MYO15A: variants seen among roughly 807,000 people sequenced by gnomAD.
MYO15A encodes the protein unconventional myosin-XV.
MYO15A carries 308 observed loss-of-function variants against 394.6 expected under a neutral mutation model. The ratio of observed to expected loss-of-function variants is 0.78; its 90% CI spans 0.71 to 0.86. The LOEUF is 0.86. MYO15A is among the 40% of genes least tolerant of loss of function. MYO15A has a pLI of 0.00. For synonymous variants in MYO15A, 1,957 were observed against 2,003.8 expected (o/e 0.98, Z 0.62); for missense variants, 4,606 against 4,799.1 (o/e 0.96, Z 1.19).
chr17:18,158,234 T>C, intron 51 of MYO15A: 1 of 587,968 alleles, frequency 1.7e-6, no homozygotes. Context: ...GTGGGCGGCT[T>C]GTGGAGCTAG....
In MYO15A at chr17:18,133,219, A is replaced by AT. The variant is rs1567636394; in HGVS notation, c.4321-5dup. ...TCCCTGACCCTCAGCCTCTGCCCTCATGCAGGGTGGGAACTGTGAGATAGC... is the reference window on the plus strand; with the variant it reads ...TCCCTGACCCTCAGCCTCTGCCCTCATTGCAGGGTGGGAACTGTGAGATAGC... On this transcript the variant is annotated splice_region_variant and splice_polypyrimidine_tract_variant and intron_variant, in intron 11 of 65. Transcript: ENST00000647165. 2 of 1,613,934 alleles carry AT rather than the reference A, an allele frequency of 1.2e-6. No individual in the cohort carries two copies. The highest frequency in any genetic ancestry group is 1.7e-6 in the Non-Finnish European group (2 of 1,179,932).
chr17:18,127,240 G>A (rs902894416), intron 7 of MYO15A, 75 bp downstream of exon 7: 2 of 1,543,044 alleles, frequency 1.3e-6, no homozygotes, highest in South Asian at 1.1e-5. Context: ...TCCCGAAGAG[G>A]CAAGGCTCCT....
Position 18,147,914 on chromosome 17 carries a change from G to A in MYO15A, c.6510-115G>A, listed in dbSNP as rs2142360013. On this transcript the variant is annotated intron_variant, in intron 30 of 65. Coordinates refer to ENST00000647165, the MANE Select transcript of MYO15A (RefSeq NM_016239.4). This position sits in a 1 kb window ranked among gnomAD's most constrained non-coding sequence, Gnocchi z 4.4. ...TTTAGCCTCACCTTGGAGCTCTGGA[G>A]TAGCCTGGGCCTTTCTCAGACTAGC... The A allele has an allele frequency of 7.5e-7, 1 of 1,330,866 alleles. No individual in the cohort carries two copies. The highest frequency in any genetic ancestry group is 1.1e-6 in the Non-Finnish European group (1 of 933,274). The allele number at this position is 1,330,866 out of a possible 1,614,324, so 82.4% of individuals were successfully genotyped here. A position where few individuals can be genotyped will look rare whatever the true frequency, so the allele number is the denominator to read the frequency against.
rs374185413 is a variant in MYO15A at position 18,161,143 on chromosome 17, A to G, written c.9387-174A>G. 13 of 1,054,486 alleles carry G rather than the reference A, an allele frequency of 1.2e-5. No homozygotes were observed. In the African/African-American group the frequency reaches 1.7e-4, roughly 14 times the overall value. 65.3% of individuals were successfully genotyped at this position (1,054,486 alleles called of 1,614,324 possible). On this transcript the variant is annotated intron_variant, in intron 56 of 65. Coordinates refer to ENST00000647165, the MANE Select transcript of MYO15A (RefSeq NM_016239.4). The stretch of plus-strand genomic sequence containing the variant: ...CCATCCCCTTCTGTCCCTATCCCCA[A>G]TCCTGACTTCCCAAGCAGAATATGC...
At chr17:18,123,394 G>A (rs1231072969) in intron 2 of MYO15A, 1 of 152,356 alleles carries the variant, frequency 6.6e-6, no homozygotes, top group African/African-American at 2.4e-5. Flanking sequence ...CCTGGAATAC[G>A]TGAGTGGCTG....
chr17:18,163,447 C>G (rs566186249), intron 59 of MYO15A, 126 bp downstream of exon 59: 1 of 1,045,186 alleles, frequency 9.6e-7, no homozygotes, highest in African/African-American at 1.6e-5. Flanking sequence ...TCCCACAGCC[C>G]CACAAGGCAG....
At chr17:18,164,297 C>T (rs780672290) in intron 60 of MYO15A, 8 of 239,550 alleles carry the variant, frequency 3.3e-5, no homozygotes, top group East Asian at 2.4e-4. Context: ...CCTAGGTGAC[C>T]GTCATGCATC....
At chr17:18,140,345 C>T in intron 19 of MYO15A, 172 bp from the exon 20 acceptor site, 2 of 897,222 alleles carry the variant, frequency 2.2e-6, no homozygotes, top group Non-Finnish European at 3.5e-6. Context: ...CTGAGCCCCA[C>T]CTGTTTTGAG....
intron 1 of MYO15A, chr17:18,109,765 G>C (rs1008335050): frequency 1.3e-5 from 2 of 152,178 alleles, no homozygotes; most frequent in African/African-American, 4.8e-5. Context: ...GCAGCCTCCC[G>C]GGGGTAGTAT....
chr17:18,115,711 A>G (rs2045775451), intron 1 of MYO15A, among the ~76,000 whole-genome samples: 1 of 151,732 alleles, frequency 6.6e-6, no homozygotes, highest in Non-Finnish European at 1.5e-5. Context: ...CCAAGCCCTC[A>G]TTGTGGCCCA....
At position 18,140,452 on chromosome 17, in the gene MYO15A, C is replaced by G. The variant is rs854780; in HGVS notation, c.5212-65C>G. ...GTCCGGAGATTTACTCCTGCTCTCT[C>G]TTCCTCCTCATTTCGGTCTCCCGGA... On this transcript the variant is annotated intron_variant, in intron 19 of 65. Transcript: ENST00000647165. 1,178,059 of 1,607,298 alleles carry G rather than the reference C, an allele frequency of 0.73. 434,556 individuals are homozygous for G. The highest frequency in any genetic ancestry group is 0.8 in the African/African-American group (60,043 of 74,928).
intron 16 of MYO15A, 52 bp downstream of exon 16, chr17:18,137,731 C>T: frequency 6.4e-7 from 1 of 1,566,768 alleles, no homozygotes; most frequent in East Asian, 2.2e-5. Flanking sequence ...GCCAGTGGAC[C>T]TCCTTGGAGA....
intron 7 of MYO15A, among the ~76,000 whole-genome samples, chr17:18,127,816 G>T (rs968754763): frequency 2.3e-5 from 3 of 130,708 alleles, no homozygotes; most frequent in African/African-American, 8.6e-5. Flanking sequence ...TAGTGGTGGA[G>T]GTGGGAAGAA....
At position 18,159,921 on chromosome 17, in the gene MYO15A, C is replaced by T. The variant is rs763895965; in HGVS notation, c.9304-14C>T. On this transcript the variant is annotated splice_polypyrimidine_tract_variant and intron_variant, in intron 55 of 65. Transcript: ENST00000647165. ...CACATGTCTTTGGTGTGTAACCTCC[C>T]TGCCCCCCTTCAGCTGTGCGGGGAC... The T allele has an allele frequency of 5.5e-5, 88 of 1,613,600 alleles. No homozygotes were observed. Among genetic ancestry groups the T allele is most frequent in the Non-Finnish European group, 8.5e-6 (10 of 1,179,800 alleles).
intron 43 of MYO15A, 107 bp from the exon 44 acceptor site, chr17:18,154,023 AG>A (rs1240098989): frequency 1.8e-5 from 29 of 1,597,384 alleles, no homozygotes; most frequent in Non-Finnish European, 2.3e-5. Context: ...GGCTGAAACC[AG>A]GGGTGGGGTT....
chr17:18,159,273 AG>A lies in MYO15A; in HGVS notation c.9157-1del. On this transcript the variant is annotated splice_acceptor_variant, in intron 53 of 65. Transcript: ENST00000647165. LOFTEE classifies it high-confidence loss of function. ...TCATGACACAGCCCTCTTCCCCCAC[AG>A]ACTCCCCTCCAGGAATCCCTCATCG... 6.2e-7 allele frequency: 1 copy of A among 1,614,038 alleles called. No individual in the cohort carries two copies. The highest frequency in any genetic ancestry group is 8.5e-7 in the Non-Finnish European group (1 of 1,179,990).
At chr17:18,138,372 C>A in intron 17 of MYO15A, 126 bp downstream of exon 17, 1 of 1,226,938 alleles carries the variant, frequency 8.2e-7, no homozygotes, top group Non-Finnish European at 1.2e-6. Context: ...GGTTGGGACA[C>A]CCGACCTACT....
chr17:18,169,415 A>C (rs1375535253), intron 62 of MYO15A: 1 of 151,168 alleles, frequency 6.6e-6, no homozygotes, highest in Non-Finnish European at 1.5e-5. Context: ...ATGCCATTGC[A>C]CTCCAGCCTG....
chr17:18,136,754 G>A, intron 15 of MYO15A, 68 bp downstream of exon 15: 3 of 1,527,808 alleles, frequency 2.0e-6, no homozygotes, highest in Middle Eastern at 1.7e-4. Flanking sequence ...AGGCGTCTCG[G>A]GCTGCCCTTC....
Sources: gnomAD v4.1 joint callset for allele counts (sites outside exome capture counted in the v4.1 genomes callset) on GRCh38, gnomAD v4.1.1 for gene constraint, Gnocchi (gnomAD v3.1) non-coding constraint, MANE v1.5 for transcripts, NCBI Gene and HGNC (gene_info 2026-07-23, HGNC 2026-07-21) for gene names.